The following SARS2 variants were observed in gnomAD, a reference collection of about 807,000 sequenced individuals.
The protein encoded by SARS2 is serine--tRNA ligase, mitochondrial.
A neutral mutation model predicts 66.8 loss-of-function variants in SARS2; 52 were observed. The ratio of observed to expected loss-of-function variants is 0.78; its 90% CI spans 0.62 to 0.98. The LOEUF (loss-of-function observed/expected upper bound fraction) is 0.98. Among genes scored for constraint, SARS2 ranks in the 50% least tolerant of loss-of-function variants. The pLI is 0.00. For missense variants in SARS2, 673 were observed against 706.3 expected, an observed-to-expected ratio of 0.95 and a Z score of 0.53; for synonymous variants, 306 against 281.4, an observed-to-expected ratio of 1.09 and a Z score of -0.87.
At position 38,922,226 on chromosome 19, in the gene SARS2, T is replaced by C. The variant is rs1974550315; in HGVS notation, c.393+12A>G. The C allele has an allele frequency of 1.9e-6, 3 of 1,613,340 alleles. No individual in the cohort carries two copies. Among genetic ancestry groups the C allele is most frequent in the East Asian group, 4.5e-5 (2 of 44,814 alleles). On this transcript the variant is annotated intron_variant, in intron 3 of 15. Coordinates refer to ENST00000221431, the MANE Select transcript of SARS2 (RefSeq NM_017827.4). ...CCCCAACCCTGGATAGGACATCAACTCTTCACAGTACCTGCTGCACTTCAC... is the reference window on the plus strand; with the variant it reads ...CCCCAACCCTGGATAGGACATCAACCCTTCACAGTACCTGCTGCACTTCAC...
chr19:38,926,717 C>T (rs1049687208), intron 1 of SARS2, among the ~76,000 whole-genome samples: 18 of 152,138 alleles, frequency 1.2e-4, no homozygotes, highest in African/African-American at 2.7e-4. Context: ...AACCAGGAAG[C>T]GGAGGTTGCA....
At chr19:38,917,687 C>T in intron 12 of SARS2, 37 bp downstream of exon 12, 1 of 1,028,400 alleles carries the variant, frequency 9.7e-7, no homozygotes, top group Non-Finnish European at 1.5e-6. Flanking sequence ...CCCTACCCCA[C>T]CCCTGCCATC....
rs1974406469 is a variant in SARS2, at chr19:38,915,969, G to A, written c.1348-63C>T. 3 of 1,612,566 alleles carry A rather than the reference G, an allele frequency of 1.9e-6. No individual in the cohort carries two copies. The African/African-American group carries it at 4.0e-5, about 22-fold the overall frequency. On this transcript the variant is annotated intron_variant, in intron 14 of 15. Coordinates refer to ENST00000221431, the MANE Select transcript of SARS2 (RefSeq NM_017827.4). ...AAGCTGAGCCCGGGGAGGAGCCAAGGTGGGTGGGTCTAGGGCGGCAGAGGC... is the reference window on the plus strand; with the variant it reads ...AAGCTGAGCCCGGGGAGGAGCCAAGATGGGTGGGTCTAGGGCGGCAGAGGC...
rs1414743479 is a variant in SARS2 at position 38,915,532 on chromosome 19, C to T, written c.*74G>A. 3.8e-6 allele frequency: 6 copies of T among 1,569,476 alleles called. No individual in the cohort carries two copies. In the South Asian group the frequency reaches 4.5e-5, roughly 12 times the overall value. ...AGATGTCAGGACGGGCTCAGCAACA[C>T]AGGTCCCAGGTGTCCGGGGTCTCCT... On this transcript the variant is annotated 3_prime_UTR_variant, in exon 16 of 16. Coordinates refer to ENST00000221431, the MANE Select transcript of SARS2 (RefSeq NM_017827.4).
At chr19:38,920,966 T>TAG (rs1243908638) in intron 5 of SARS2, among the ~76,000 whole-genome samples, 1 of 126,310 alleles carries the variant, frequency 7.9e-6, no homozygotes, top group African/African-American at 2.8e-5. Context: ...CAGACACAGA[T>TAG]ACAGACACAC....
Position 38,926,229 on chromosome 19 carries a change from C to T in SARS2, c.339G>A (p.Val113=). Residue 113 remains valine, a synonymous_variant, in exon 2 of 16, where the codon GTG becomes GTA. Coordinates refer to ENST00000221431, the MANE Select transcript of SARS2 (RefSeq NM_017827.4). ...IRSLEEEKAA[V]TEAVRALLAN... is the part of the protein sequence containing the mutation. ...CCAGCAGGGCCCGCACTGCCTCAGT[C>T]ACAGCTGCCTTCTCTTCCTCCAGGC... 1 of 1,606,798 alleles carries T rather than the reference C, an allele frequency of 6.2e-7. No homozygotes were observed. The highest frequency in any genetic ancestry group is 8.5e-7 in the Non-Finnish European group (1 of 1,179,978).
rs1238903833 is a variant in SARS2, at chr19:38,917,709, G to C, written c.1160+15C>G. The C allele has an allele frequency of 6.8e-7, 1 of 1,481,210 alleles. No homozygotes were observed. Among genetic ancestry groups the C allele is most frequent in the Admixed American group, 1.7e-5 (1 of 59,414 alleles). The allele number at this position is 1,481,210 out of a possible 1,614,324, so 91.8% of individuals were successfully genotyped here. ...CCACCCCTGCCATCCCTGGATCCCT[G>C]GCCCCTCTCCACACCGGAAGTGCAA... On this transcript the variant is annotated intron_variant, in intron 12 of 15. Transcript: ENST00000221431.
rs767814478 is a variant in SARS2 at position 38,918,056 on chromosome 19, C to T, written c.962+38G>A. On this transcript the variant is annotated intron_variant, in intron 10 of 15. Coordinates refer to ENST00000221431, the MANE Select transcript of SARS2 (RefSeq NM_017827.4). Reference sequence around the variant, plus strand: ...GGGTCAAGGAGGGAAGACTGATTGTCACAGGTGGGGTCAAGGTCTAAGGAA... The same window carrying T: ...GGGTCAAGGAGGGAAGACTGATTGTTACAGGTGGGGTCAAGGTCTAAGGAA... The T allele has an allele frequency of 1.3e-5, 21 of 1,603,758 alleles. No homozygotes were observed. In the East Asian group the frequency reaches 4.7e-4, roughly 36 times the overall value.
Position 38,921,523 on chromosome 19 carries a change from TCAC to T in SARS2, c.534+1_534+3del, listed in dbSNP as rs770445006. On this transcript the variant is annotated splice_donor_variant and splice_donor_region_variant and intron_variant, in intron 4 of 15. Transcript: ENST00000221431. LOFTEE classifies it high-confidence loss of function. ...GCCTCCCTGCCACCCAGCACGGTGC[TCAC>T]CACGTCTGGGTGGGTCTGGTTGGGC... The T allele has an allele frequency of 1.2e-5, 20 of 1,614,030 alleles. No individual in the cohort carries two copies. Among genetic ancestry groups the T allele is most frequent in the Admixed American group, 8.3e-5 (5 of 60,002 alleles).
At chr19:38,916,724 G>A (rs1473777382) in intron 12 of SARS2, among the ~76,000 whole-genome samples, 4 of 149,784 alleles carry the variant, frequency 2.7e-5, no homozygotes, top group Admixed American at 6.7e-5. Context: ...GAGCAGTGGC[G>A]CGATCTCGGC....
In SARS2 at chr19:38,920,103, G is replaced by C; in HGVS notation, c.636C>G (p.Leu212=). ...PRGHLEIGEK[L]DIIRQKRLSH... is the part of the protein sequence containing the mutation. ...GGGCTCACTTCTGACGGATGATGTC[G>C]AGTTTCTCGCCAATTTCCAGGTGGC... Residue 212 remains leucine (L), a synonymous_variant, in exon 6 of 16, where the codon CTC becomes CTG. Transcript: ENST00000221431. 1 of 1,561,456 alleles carries C rather than the reference G, an allele frequency of 6.4e-7. No homozygotes were observed. Among genetic ancestry groups the C allele is most frequent in the Non-Finnish European group, 8.7e-7 (1 of 1,152,168 alleles).
rs1338054976 is a variant in SARS2 at position 38,918,534 on chromosome 19, G to C, written c.808-4C>G. On this transcript the variant is annotated splice_region_variant and splice_polypyrimidine_tract_variant and intron_variant, in intron 8 of 15. Transcript: ENST00000221431. ...TTGGTGTCATCCCACAGCCTTCCTG[G>C]GGGAGGAGGCCAGGCCACAGGGATC... 6.2e-7 allele frequency: 1 copy of C among 1,605,722 alleles called. No individual in the cohort carries two copies. Among genetic ancestry groups the C allele is most frequent in the Admixed American group, 1.7e-5 (1 of 60,008 alleles).
At chr19:38,920,323 A>T (rs965270066) in intron 5 of SARS2, among the ~76,000 whole-genome samples, 174 bp from the exon 6 acceptor site, 1 of 151,588 alleles carries the variant, frequency 6.6e-6, no homozygotes, top group Non-Finnish European at 1.5e-5. Flanking sequence ...GAAAAGACAG[A>T]CAGGAAGGGA....
At chr19:38,921,330 C>A in intron 5 of SARS2, 62 bp downstream of exon 5, 1 of 1,579,990 alleles carries the variant, frequency 6.3e-7, no homozygotes, top group Non-Finnish European at 8.6e-7. Context: ...GCCCCCACCC[C>A]GAGACCCCAG....
rs373167654 is a variant in SARS2, at chr19:38,916,020, G to A, written c.1347+17C>T. ...TGCGGGCGAGGGCACGCGGGCAGGA[G>A]GCTGTGCGGGCCTCACCGTGTGGGC... On this transcript the variant is annotated intron_variant, in intron 14 of 15. Coordinates refer to ENST00000221431, the MANE Select transcript of SARS2 (RefSeq NM_017827.4). 22 of 1,612,960 alleles carry A rather than the reference G, an allele frequency of 1.4e-5. No homozygotes were observed. The highest frequency in any genetic ancestry group is 1.7e-5 in the Admixed American group (1 of 59,980).
At chr19:38,917,888 A>G (rs765632491) in intron 11 of SARS2, 33 bp downstream of exon 11, 1 of 1,612,350 alleles carries the variant, frequency 6.2e-7, no homozygotes, top group Non-Finnish European at 8.5e-7. Flanking sequence ...GTGGCCCCCC[A>G]CCCCAGCCCC....
At chr19:38,922,980 T>C (rs528355934) in intron 2 of SARS2, among the ~76,000 whole-genome samples, 16 of 151,076 alleles carry the variant, frequency 1.1e-4, no homozygotes, top group African/African-American at 3.9e-4. Context: ...CTTGGCTCAC[T>C]GCAAGCTCCA....
chr19:38,916,153 G>A (rs747527006), intron 13 of SARS2, 24 bp from the exon 14 acceptor site: 1 of 1,613,684 alleles, frequency 6.2e-7, no homozygotes, highest in South Asian at 1.1e-5. Flanking sequence ...GCGGCAGGCT[G>A]AGCGGATCAG....
chr19:38,925,510 G>A (rs1260274534), intron 2 of SARS2, among the ~76,000 whole-genome samples: 1 of 152,076 alleles, frequency 6.6e-6, no homozygotes, highest in Non-Finnish European at 1.5e-5. Flanking sequence ...TGGGCCCAGG[G>A]GACACGAGGG....
Sources: allele counts gnomAD v4.1 joint callset (sites outside exome capture counted in the v4.1 genomes callset), GRCh38; gene constraint gnomAD v4.1.1; transcripts MANE v1.5; gene names NCBI Gene and HGNC (gene_info 2026-07-23, HGNC 2026-07-21).